GALNT13: variants seen among roughly 807,000 people sequenced by gnomAD.
The protein encoded by GALNT13 is polypeptide N-acetylgalactosaminyltransferase 13.
Under a neutral mutation model 64.2 loss-of-function variants are expected in GALNT13, and 28 were observed. That is an observed-to-expected ratio of 0.44 (90% CI 0.32 to 0.60). The LOEUF is 0.60. Ranked by LOEUF, GALNT13 falls within the 20% of genes least tolerant of loss-of-function variation. The pLI is 0.05. For synonymous variants in GALNT13, 214 were observed against 224.6 expected, an observed-to-expected ratio of 0.95 and a Z score of 0.42; for missense variants, 577 against 669.8, an observed-to-expected ratio of 0.86 and a Z score of 1.53.
chr2:153,216,346 A>G, the GALNT13 span, among the ~76,000 whole-genome samples: 4 of 152,046 alleles, frequency 2.6e-5, no homozygotes, highest in African/African-American at 9.7e-5. Context: ...TTGCTGGGTC[A>G]TAAGTAGTAT....
At chr2:154,262,908 A>G (rs188623967) in intron 8 of GALNT13, among the ~76,000 whole-genome samples, 79 of 152,286 alleles carry the variant, frequency 5.2e-4, no homozygotes, top group African/African-American at 1.7e-3. Context: ...ATGAATTACC[A>G]TCAAAAAGTA....
At chr2:153,405,712 T>C in the GALNT13 span, among the ~76,000 whole-genome samples, 1 of 152,108 alleles carries the variant, frequency 6.6e-6, no homozygotes, top group African/African-American at 2.4e-5. Context: ...TCAAACAGGA[T>C]GAGAGAAACA....
the GALNT13 span, among the ~76,000 whole-genome samples, chr2:153,649,073 T>C: frequency 2.0e-5 from 3 of 152,316 alleles, no homozygotes; most frequent in East Asian, 1.9e-4. Flanking sequence ...TGGTAGAATT[T>C]GGCTGTGAAT....
intron 3 of GALNT13, among the ~76,000 whole-genome samples, chr2:154,114,201 A>G (rs1045219448): frequency 7.2e-5 from 11 of 152,242 alleles, no homozygotes; most frequent in African/African-American, 2.6e-4. Flanking sequence ...CAGCTCTAAT[A>G]GCTTCCATTT....
chr2:154,295,348 T>TTTTTTTTA (rs1553510429), intron 8 of GALNT13, among the ~76,000 whole-genome samples: 1 of 142,222 alleles, frequency 7.0e-6, no homozygotes, highest in African/African-American at 2.6e-5. Context: ...ATTCTTTTTA[T>TTTTTTTTA]TTTATTTATT....
At chr2:153,977,860 A>G (rs1364708878) in intron 3 of GALNT13, among the ~76,000 whole-genome samples, 1 of 152,124 alleles carries the variant, frequency 6.6e-6, no homozygotes, top group Non-Finnish European at 1.5e-5. Flanking sequence ...CTTCTTCTCA[A>G]GACTATACTC....
At chr2:153,537,007 G>T in the GALNT13 span, among the ~76,000 whole-genome samples, 1 of 152,208 alleles carries the variant, frequency 6.6e-6, no homozygotes, top group Non-Finnish European at 1.5e-5. Context: ...ATCACTGCGA[G>T]AACTTCTTAT....
the GALNT13 span, among the ~76,000 whole-genome samples, chr2:153,704,866 G>A: frequency 6.6e-6 from 1 of 152,284 alleles, no homozygotes; most frequent in Non-Finnish European, 1.5e-5. Flanking sequence ...TTTAATAAAT[G>A]TAATAAGCAG....
intron 3 of GALNT13, among the ~76,000 whole-genome samples, chr2:154,043,703 G>A (rs1359564099): frequency 6.6e-6 from 1 of 151,878 alleles, no homozygotes; most frequent in Non-Finnish European, 1.5e-5. Context: ...AGAGACACAA[G>A]GTCTAGTACT....
chr2:153,368,090 T>A, the GALNT13 span, among the ~76,000 whole-genome samples: 1 of 152,104 alleles, frequency 6.6e-6, no homozygotes, highest in African/African-American at 2.4e-5. Context: ...ATAACAGATA[T>A]ATACATAGGT....
the GALNT13 span, among the ~76,000 whole-genome samples, chr2:153,515,335 C>T: frequency 6.6e-6 from 1 of 152,200 alleles, no homozygotes; most frequent in African/African-American, 2.4e-5. Flanking sequence ...CTTTGCCGCT[C>T]ATTGAACACA....
the GALNT13 span, among the ~76,000 whole-genome samples, chr2:153,533,440 CA>C: frequency 1.4e-4 from 22 of 151,970 alleles, no homozygotes; most frequent in African/African-American, 4.8e-4. Context: ...TTAGTAGAGA[CA>C]GGGTTTTGCC....
At chr2:153,551,528 A>G in the GALNT13 span, among the ~76,000 whole-genome samples, 1 of 152,220 alleles carries the variant, frequency 6.6e-6, no homozygotes, top group East Asian at 1.9e-4. Context: ...GGCTTGGACC[A>G]AAGTAGTGGC....
At chr2:153,708,110 A>G in the GALNT13 span, among the ~76,000 whole-genome samples, 1 of 152,058 alleles carries the variant, frequency 6.6e-6, no homozygotes, top group Non-Finnish European at 1.5e-5. Flanking sequence ...TATTTCCGTC[A>G]CCAATTTCTG....
intron 8 of GALNT13, among the ~76,000 whole-genome samples, chr2:154,262,366 C>A (rs925679749): frequency 2.6e-5 from 4 of 152,172 alleles, no homozygotes; most frequent in African/African-American, 9.7e-5. Flanking sequence ...CAAATACAAG[C>A]TTCCTCCACA....
the GALNT13 span, among the ~76,000 whole-genome samples, chr2:153,755,426 C>T: frequency 1.3e-5 from 2 of 151,976 alleles, no homozygotes; most frequent in African/African-American, 4.8e-5. Context: ...TATCTTTCAT[C>T]TTTTTCAAAA....
chr2:153,181,053 GT>G, the GALNT13 span, among the ~76,000 whole-genome samples: 1 of 23,670 alleles, frequency 4.2e-5, no homozygotes, highest in African/African-American at 1.7e-4. Flanking sequence ...TTTTTTTGCT[GT>G]CATCAGGCTT....
At chr2:153,589,635 C>T in the GALNT13 span, among the ~76,000 whole-genome samples, 38,461 of 152,028 alleles carry the variant, frequency 0.25, 5,099 homozygotes, top group South Asian at 0.42. Context: ...GGCTGAGAGA[C>T]GCCTCACAAT....
chr2:153,321,362 C>T, the GALNT13 span, among the ~76,000 whole-genome samples: 1 of 152,120 alleles, frequency 6.6e-6, no homozygotes, highest in Admixed American at 6.6e-5. Flanking sequence ...GCCTTGACAG[C>T]TTAAGTTCTT....
Sources: gnomAD v4.1 joint callset for allele counts (sites outside exome capture counted in the v4.1 genomes callset) on GRCh38, gnomAD v4.1.1 for gene constraint, MANE v1.5 for transcripts, NCBI Gene and HGNC (gene_info 2026-07-23, HGNC 2026-07-21) for gene names.